Variants in CPNE8 observed in about 807,000 individuals in gnomAD.
CPNE8 encodes the protein copine 8.
Under a neutral mutation model 81.5 loss-of-function variants are expected in CPNE8, and 45 were observed. The ratio of observed to expected loss-of-function variants is 0.55; its 90% CI spans 0.44 to 0.71. The LOEUF (loss-of-function observed/expected upper bound fraction) is 0.71. CPNE8 is among the 30% of genes least tolerant of loss of function. The pLI, the probability that CPNE8 is intolerant of heterozygous loss-of-function variation, is 0.00. For missense variants in CPNE8, 594 were observed against 672.1 expected (o/e 0.88, Z 1.28); for synonymous variants, 252 against 226.3 (o/e 1.11, Z -1.02).
chr12:38,766,503 A>G (rs1315452807), intron 8 of CPNE8, among the ~76,000 whole-genome samples: 1 of 152,214 alleles, frequency 6.6e-6, no homozygotes, highest in African/African-American at 2.4e-5. Flanking sequence ...TAATAGTATA[A>G]CACTATAGCA....
chr12:38,871,287 T>C (rs1943988282), intron 3 of CPNE8, among the ~76,000 whole-genome samples: 1 of 152,226 alleles, frequency 6.6e-6, no homozygotes, highest in Non-Finnish European at 1.5e-5. Context: ...TTATTAGTCA[T>C]TTGCACTGGC....
chr12:38,820,184 A>T (rs2137005044), intron 6 of CPNE8, among the ~76,000 whole-genome samples: 1 of 152,156 alleles, frequency 6.6e-6, no homozygotes, highest in African/African-American at 2.4e-5. Context: ...AGATGGGGGG[A>T]TCACAAGATC....
chr12:38,854,371 C>T (rs778790356), intron 3 of CPNE8, among the ~76,000 whole-genome samples: 6 of 115,930 alleles, frequency 5.2e-5, no homozygotes, highest in African/African-American at 1.4e-4. Flanking sequence ...TCCAATAATA[C>T]GAAACTCACT....
chr12:38,716,493 A>C (rs750426898), intron 13 of CPNE8, among the ~76,000 whole-genome samples: 13 of 151,574 alleles, frequency 8.6e-5, no homozygotes, highest in Non-Finnish European at 1.9e-4. Context: ...TGTAAAGCCA[A>C]ATAGAACTAA....
At chr12:38,809,549 T>A (rs1001311009) in intron 6 of CPNE8, among the ~76,000 whole-genome samples, 3 of 152,206 alleles carry the variant, frequency 2.0e-5, no homozygotes, top group African/African-American at 7.2e-5. Flanking sequence ...AACATAACTA[T>A]AGTTGTGACA....
intron 5 of CPNE8, among the ~76,000 whole-genome samples, chr12:38,835,452 T>C (rs1943364088): frequency 6.6e-6 from 1 of 152,194 alleles, no homozygotes; most frequent in Non-Finnish European, 1.5e-5. Flanking sequence ...GTATTCATGT[T>C]CATTGAGTAA....
At chr12:38,843,783 C>A (rs561477129) in intron 4 of CPNE8, among the ~76,000 whole-genome samples, 62 of 152,124 alleles carry the variant, frequency 4.1e-4, no homozygotes, top group South Asian at 4.2e-4. Flanking sequence ...GGTAGGAGAC[C>A]CCCATCTCTG....
At chr12:38,868,021 A>AT (rs1200250622) in intron 3 of CPNE8, among the ~76,000 whole-genome samples, 2 of 152,148 alleles carry the variant, frequency 1.3e-5, no homozygotes, top group South Asian at 2.1e-4. Context: ...TTTAAGCTTT[A>AT]TTTTTTCACT....
At chr12:38,859,315 A>G (rs1943793992) in intron 3 of CPNE8, among the ~76,000 whole-genome samples, 1 of 152,176 alleles carries the variant, frequency 6.6e-6, no homozygotes, top group African/African-American at 2.4e-5. Context: ...ACCATCAAAA[A>G]AGAAACTTAA....
chr12:38,710,607 A>G (rs898179628), intron 13 of CPNE8, among the ~76,000 whole-genome samples: 4 of 152,284 alleles, frequency 2.6e-5, no homozygotes, highest in African/African-American at 4.8e-5. Context: ...TTCGTGAGCA[A>G]CCCATGCCAT....
chr12:38,808,913 G>T (rs981140970), intron 6 of CPNE8, among the ~76,000 whole-genome samples: 3 of 151,952 alleles, frequency 2.0e-5, no homozygotes, highest in Admixed American at 1.3e-4. Flanking sequence ...TTTCAAGCAC[G>T]CTAGTAAACA....
In CPNE8 at chr12:38,774,334, T is replaced by C. The variant is rs373160049; in HGVS notation, c.471+1904A>G. On this transcript the variant is annotated intron_variant, in intron 7 of 19. Transcript: ENST00000331366. ...TCACCAAAAAGAACATGTATCTTAT[T>C]GACTGTGAACTTCCTTTTTTCTTTC... Among the ~76,000 whole-genome samples, 1,428 of 152,266 alleles carry C rather than the reference T, an allele frequency of 9.4e-3. 20 individuals carry two copies. The highest frequency in any genetic ancestry group is 0.04 in the South Asian group (195 of 4,832).
chr12:38,827,360 T>C (rs1029545496), intron 6 of CPNE8, among the ~76,000 whole-genome samples: 1 of 152,186 alleles, frequency 6.6e-6, no homozygotes, highest in Non-Finnish European at 1.5e-5. Context: ...GGAACACTTA[T>C]ATGCTGCTGG....
rs147358977 is a variant in CPNE8 at position 38,748,305 on chromosome 12, C to T, written c.722+12542G>A. Among the ~76,000 whole-genome samples, 288 of 152,230 alleles carry T rather than the reference C, an allele frequency of 1.9e-3. 2 individuals carry two copies. Among genetic ancestry groups the T allele is most frequent in the African/African-American group, 6.7e-3 (279 of 41,546 alleles). On this transcript the variant is annotated intron_variant, in intron 10 of 19. Coordinates refer to ENST00000331366, the MANE Select transcript of CPNE8 (RefSeq NM_153634.3). ...GGATTACAGGCATGAGCAACCCCAT[C>T]CGAACGCAATACTATTAATAGATAC...
chr12:38,824,064 G>A (rs951124198), intron 6 of CPNE8, among the ~76,000 whole-genome samples: 3 of 152,170 alleles, frequency 2.0e-5, no homozygotes, highest in Non-Finnish European at 4.4e-5. Context: ...TGAGAAACGT[G>A]TTTGCCCAAA....
chr12:38,743,880 G>C (rs1259867549), intron 10 of CPNE8, among the ~76,000 whole-genome samples: 1 of 152,086 alleles, frequency 6.6e-6, no homozygotes, highest in African/African-American at 2.4e-5. Flanking sequence ...ATGTATCTGA[G>C]TATTTATCAA....
chr12:38,815,851 T>C (rs566572814), intron 6 of CPNE8, among the ~76,000 whole-genome samples: 1 of 152,298 alleles, frequency 6.6e-6, no homozygotes, highest in African/African-American at 2.4e-5. Context: ...ATGTAATACA[T>C]AGATTTTTCA....
chr12:38,845,709 C>A (rs1592134351), intron 4 of CPNE8, among the ~76,000 whole-genome samples: 1 of 151,890 alleles, frequency 6.6e-6, no homozygotes, highest in South Asian at 2.1e-4. Flanking sequence ...AATAATAAGC[C>A]TGTTCTTTCA....
intron 15 of CPNE8, among the ~76,000 whole-genome samples, chr12:38,689,315 T>G (rs1939615156): frequency 6.6e-6 from 1 of 152,188 alleles, no homozygotes; most frequent in Non-Finnish European, 1.5e-5. Flanking sequence ...CCATTTTTCC[T>G]CCCGTTTAGC....
Sources: allele counts gnomAD v4.1 joint callset (sites outside exome capture counted in the v4.1 genomes callset), GRCh38; gene constraint gnomAD v4.1.1; transcripts MANE v1.5; gene names NCBI Gene and HGNC (gene_info 2026-07-23, HGNC 2026-07-21).